MRTFA: variants seen among roughly 807,000 people sequenced by gnomAD.
The protein encoded by MRTFA is myocardin-related transcription factor A.
MRTFA carries 20 observed loss-of-function variants against 83.5 expected under a neutral mutation model. The ratio of observed to expected loss-of-function variants is 0.24; its 90% CI spans 0.17 to 0.35. MRTFA has a LOEUF of 0.35. MRTFA is among the 10% of genes least tolerant of loss of function. MRTFA has a pLI of 1.00. For missense variants in MRTFA, 1,200 were observed against 1,224.7 expected, an observed-to-expected ratio of 0.98 and a Z score of 0.30; for synonymous variants, 659 against 541.2, an observed-to-expected ratio of 1.22 and a Z score of -3.02.
rs150326720 is a variant in MRTFA at position 40,570,673 on chromosome 22, G to A, written c.-21-18306C>T. On this transcript the variant is annotated intron_variant, in intron 2 of 14. Transcript: ENST00000355630. The stretch of plus-strand genomic sequence containing the variant: ...GCTGGAAATGTATATGAGATGGTTG[G>A]AGTACAAGCAGCAAACTTAAGACTA... Among the ~76,000 whole-genome samples, 21 of 151,104 alleles carry A rather than the reference G, an allele frequency of 1.4e-4. No individual in the cohort carries two copies. The East Asian group carries it at 3.9e-3, about 28-fold the overall frequency.
At chr22:40,590,290 A>G (rs892274352) in intron 2 of MRTFA, among the ~76,000 whole-genome samples, 3 of 152,170 alleles carry the variant, frequency 2.0e-5, no homozygotes, top group Non-Finnish European at 2.9e-5. Flanking sequence ...ACAATGGATA[A>G]ATCTGGCAGA....
In MRTFA at chr22:40,611,637, G is replaced by C. The variant is rs80309810; in HGVS notation, c.-83-16902C>G. ...GCATGGGACAGGAAAGCTGTTCCAT[G>C]AATTCAGGGCAGCTTGACCAAGGTT... On this transcript the variant is annotated intron_variant, in intron 1 of 14. Coordinates refer to ENST00000355630, the MANE Select transcript of MRTFA (RefSeq NM_020831.6). 3.5e-3 allele frequency among the ~76,000 whole-genome samples: 532 copies of C among 152,292 alleles called. 5 individuals are homozygous for C. Among genetic ancestry groups the C allele is most frequent in the African/African-American group, 0.012 (511 of 41,554 alleles).
chr22:40,622,662 CAGA>C (rs777768916), intron 1 of MRTFA, among the ~76,000 whole-genome samples: 10 of 152,058 alleles, frequency 6.6e-5, no homozygotes, highest in Non-Finnish European at 1.2e-4. Context: ...CAGTAGCCAC[CAGA>C]AGGTGGAAGA....
At chr22:40,469,628 A>G (rs888298487) in intron 3 of MRTFA, among the ~76,000 whole-genome samples, 6 of 152,238 alleles carry the variant, frequency 3.9e-5, no homozygotes, top group African/African-American at 1.4e-4. Context: ...ATTAACAAAC[A>G]TATAGAACAC....
At chr22:40,547,853 CAAAA>C (rs1056609474) in intron 3 of MRTFA, among the ~76,000 whole-genome samples, 6 of 51,252 alleles carry the variant, frequency 1.2e-4, no homozygotes, top group Admixed American at 6.4e-4. Context: ...GACTGTCTCC[CAAAA>C]AAAAAAAAAA....
At chr22:40,592,748 C>G (rs145947642) in intron 2 of MRTFA, among the ~76,000 whole-genome samples, 1 of 152,056 alleles carries the variant, frequency 6.6e-6, no homozygotes, top group Admixed American at 6.6e-5. Flanking sequence ...CCACCTCAGC[C>G]GCCCAAAGTG....
chr22:40,438,790 C>T (rs767024046), intron 4 of MRTFA, among the ~76,000 whole-genome samples: 2 of 152,000 alleles, frequency 1.3e-5, no homozygotes, highest in South Asian at 4.2e-4. Context: ...AAACACAGTA[C>T]GTATAGGATT....
chr22:40,578,073 C>T (rs2055893653), intron 2 of MRTFA, among the ~76,000 whole-genome samples: 1 of 152,008 alleles, frequency 6.6e-6, no homozygotes, highest in Non-Finnish European at 1.5e-5. Context: ...CCTGCCTCAG[C>T]CTCCCAAGTA....
chr22:40,536,151 A>G (rs539247942), intron 3 of MRTFA, among the ~76,000 whole-genome samples: 1 of 151,662 alleles, frequency 6.6e-6, no homozygotes, highest in East Asian at 1.9e-4. Context: ...AAGAAAAAGA[A>G]AAAAAGCCAG....
intron 2 of MRTFA, among the ~76,000 whole-genome samples, chr22:40,586,206 T>C (rs1271400133): frequency 2.0e-5 from 3 of 151,568 alleles, no homozygotes; most frequent in Admixed American, 2.0e-4. Context: ...CTACAACAAG[T>C]TGAATTACAT....
chr22:40,549,856 A>G (rs1330865024), intron 3 of MRTFA, among the ~76,000 whole-genome samples: 9 of 152,310 alleles, frequency 5.9e-5, no homozygotes, highest in African/African-American at 2.2e-4. Flanking sequence ...GTTTGAGATC[A>G]GCCTGGTCAA....
intron 2 of MRTFA, among the ~76,000 whole-genome samples, chr22:40,573,754 T>C (rs1043038602): frequency 1.3e-5 from 2 of 151,566 alleles, no homozygotes; most frequent in Non-Finnish European, 2.9e-5. Flanking sequence ...AAAAAAAAGA[T>C]ATTCAGTAGA....
chr22:40,441,439 CAATT>C (rs1441110929), intron 4 of MRTFA, among the ~76,000 whole-genome samples: 2 of 152,136 alleles, frequency 1.3e-5, no homozygotes, highest in African/African-American at 4.8e-5. Context: ...GGTCATTTGT[CAATT>C]AAAGATATAA....
At chr22:40,626,866 A>AACACACACACACACAC (rs141945541) in intron 1 of MRTFA, among the ~76,000 whole-genome samples, 89 of 145,222 alleles carry the variant, frequency 6.1e-4, no homozygotes, top group African/African-American at 2.2e-3. Context: ...CCCTGTCTCA[A>AACACACACACACACAC]ACACACACAC....
At position 40,567,543 on chromosome 22, in the gene MRTFA, T is replaced by A. The variant is rs1400203189; in HGVS notation, c.-21-15176A>T. ...AAGTTAGGAATTCTTCAGTCGATTC[T>A]ACTCTTACATCAAAACTCCATGCAG... On this transcript the variant is annotated intron_variant, in intron 2 of 14. Transcript: ENST00000355630. 2.0e-5 allele frequency among the ~76,000 whole-genome samples: 3 copies of A among 152,244 alleles called. No individual in the cohort carries two copies. In the East Asian group the frequency reaches 5.8e-4, roughly 29 times the overall value.
intron 3 of MRTFA, among the ~76,000 whole-genome samples, chr22:40,466,717 TA>T (rs1462651827): frequency 6.6e-6 from 1 of 152,214 alleles, no homozygotes; most frequent in African/African-American, 2.4e-5. Flanking sequence ...AAGCAATGGC[TA>T]TTAATCCAAG....
In MRTFA at chr22:40,529,417, A is replaced by G. The variant is rs2055036732; in HGVS notation, c.241+22689T>C. Reference sequence around the variant, plus strand: ...CCGCAACCTCCACCTCCTGGGTTCAAGAGATTCCCCTGCCTCAGCTTCCCA... The same window carrying G: ...CCGCAACCTCCACCTCCTGGGTTCAGGAGATTCCCCTGCCTCAGCTTCCCA... On this transcript the variant is annotated intron_variant, in intron 3 of 14. Coordinates refer to ENST00000355630, the MANE Select transcript of MRTFA (RefSeq NM_020831.6). Among the ~76,000 whole-genome samples, 3 of 152,086 alleles carry G rather than the reference A, an allele frequency of 2.0e-5. 1 individual carries two copies. In the South Asian group the frequency reaches 6.2e-4, roughly 32 times the overall value.
chr22:40,624,769 T>C (rs1185115483), intron 1 of MRTFA, among the ~76,000 whole-genome samples: 1 of 152,254 alleles, frequency 6.6e-6, no homozygotes, highest in East Asian at 1.9e-4. Flanking sequence ...AACAGGCTAT[T>C]AGACATGTTG....
At position 40,411,832 on chromosome 22, in the gene MRTFA, G is replaced by T. The variant is rs774803635; in HGVS notation, c.2654C>A (p.Ser885Tyr). The change falls in exon 15 of 15, where the codon TCC becomes TAC. Residue 885 changes from serine to tyrosine, a missense_variant. Ser to Tyr is a moderately radical substitution (Grantham distance 144, BLOSUM62 -2). Around this residue, in one of 2 missense-constraint regions of MRTFA, gnomAD observed 1,107 missense variants for 1,041.8 expected, o/e 1.06. Coordinates refer to ENST00000355630, the MANE Select transcript of MRTFA (RefSeq NM_020831.6). Reference sequence around the variant, plus strand: ...AGGTGATGGCTGTGCTGCCAGGGGGGACCCACAGACTGTCTTCGGGGATGG... The same window carrying T: ...AGGTGATGGCTGTGCTGCCAGGGGGTACCCACAGACTGTCTTCGGGGATGG... 1.3e-6 allele frequency: 2 copies of T among 1,508,834 alleles called. No homozygotes were observed. The highest frequency in any genetic ancestry group is 1.8e-6 in the Non-Finnish European group (2 of 1,126,108). The allele number at this position is 1,508,834 out of a possible 1,614,324, so 93.5% of individuals were successfully genotyped here.
Sources: gnomAD v4.1 joint callset for allele counts (sites outside exome capture counted in the v4.1 genomes callset) on GRCh38, gnomAD v4.1.1 for gene constraint, gnomAD v4.1.1 regional missense constraint, MANE v1.5 for transcripts, NCBI Gene and HGNC (gene_info 2026-07-23, HGNC 2026-07-21) for gene names.